Variants in RBMS1 observed in about 807,000 individuals in gnomAD.
RBMS1 encodes the protein RNA binding motif single stranded interacting protein 1.
In RBMS1, 17 loss-of-function variants were observed where a neutral mutation model predicts 62.3. That is an observed-to-expected ratio of 0.27 (90% CI 0.19 to 0.41). The LOEUF (loss-of-function observed/expected upper bound fraction) is 0.41, where lower values mean the gene tolerates loss of function less well. Among genes scored for constraint, RBMS1 ranks in the 10% least tolerant of loss-of-function variants. The pLI, the probability that RBMS1 is intolerant of heterozygous loss-of-function variation, is 1.00. For synonymous variants in RBMS1, 172 were observed against 170.0 expected (o/e 1.01, Z -0.09); for missense variants, 334 against 504.5 (o/e 0.66, Z 3.24).
intron 1 of RBMS1, among the ~76,000 whole-genome samples, chr2:160,471,960 A>G (rs1227562978): frequency 1.3e-5 from 2 of 151,926 alleles, no homozygotes; most frequent in African/African-American, 4.8e-5. Flanking sequence ...ATCCTGCTGT[A>G]AATCTATTTA....
chr2:160,357,895 T>C (rs933852142), intron 2 of RBMS1, among the ~76,000 whole-genome samples: 20 of 152,128 alleles, frequency 1.3e-4, no homozygotes, highest in African/African-American at 3.9e-4. Context: ...ATTTATTTCA[T>C]GGGATTTTCT....
intron 11 of RBMS1, 72 bp from the exon 12 acceptor site, chr2:160,277,455 G>A (rs1687897478): frequency 2.7e-6 from 3 of 1,117,130 alleles, no homozygotes; most frequent in African/African-American, 1.5e-5. Flanking sequence ...GGGGGATTGT[G>A]AGATGGATAT....
intron 1 of RBMS1, among the ~76,000 whole-genome samples, chr2:160,379,391 T>C (rs1432721568): frequency 6.6e-6 from 1 of 152,222 alleles, no homozygotes; most frequent in African/African-American, 2.4e-5. Context: ...GAGTATCTAC[T>C]GCTAACAACA....
At chr2:160,332,303 T>TA (rs1236087432) in intron 2 of RBMS1, among the ~76,000 whole-genome samples, 1 of 152,194 alleles carries the variant, frequency 6.6e-6, no homozygotes, top group Non-Finnish European at 1.5e-5. Flanking sequence ...AGATACCTTT[T>TA]AAAAACCACA....
At chr2:160,482,696 T>C (rs1392619891) in intron 1 of RBMS1, among the ~76,000 whole-genome samples, 1 of 152,064 alleles carries the variant, frequency 6.6e-6, no homozygotes, top group Non-Finnish European at 1.5e-5. Context: ...GGCTTCTTTT[T>C]CCCCAAAAAA....
chr2:160,315,481 T>A (rs541837954), intron 3 of RBMS1, among the ~76,000 whole-genome samples: 70 of 152,330 alleles, frequency 4.6e-4, no homozygotes, highest in African/African-American at 1.7e-3. Flanking sequence ...AATAGTTATG[T>A]TACTCCTGCT....
At chr2:160,304,746 T>A (rs1468370953) in intron 4 of RBMS1, among the ~76,000 whole-genome samples, 1 of 152,228 alleles carries the variant, frequency 6.6e-6, no homozygotes, top group Non-Finnish European at 1.5e-5. Context: ...TACAGCTGCA[T>A]AATGTATGTG....
chr2:160,449,984 T>A (rs1303838921), intron 1 of RBMS1, among the ~76,000 whole-genome samples: 1 of 152,082 alleles, frequency 6.6e-6, no homozygotes, highest in Non-Finnish European at 1.5e-5. Context: ...GCCCTCAGTA[T>A]GACTTACAAA....
At chr2:160,490,801 T>C (rs1410679583) in intron 1 of RBMS1, among the ~76,000 whole-genome samples, 1 of 152,200 alleles carries the variant, frequency 6.6e-6, no homozygotes, top group Non-Finnish European at 1.5e-5. Context: ...AAATTAGCTA[T>C]CACTTTTTAG....
intron 10 of RBMS1, among the ~76,000 whole-genome samples, chr2:160,280,169 T>C (rs1203184045): frequency 1.3e-5 from 2 of 152,100 alleles, no homozygotes; most frequent in African/African-American, 2.4e-5. Context: ...CATTCCAAAA[T>C]AGGGTAGCAT....
intron 1 of RBMS1, among the ~76,000 whole-genome samples, chr2:160,444,792 A>C (rs1683569841): frequency 5.9e-5 from 9 of 152,180 alleles, no homozygotes; most frequent in Admixed American, 5.9e-4. Context: ...AGAGAGGAAG[A>C]GATCCCCCAA....
chr2:160,491,959 T>A (rs1204611256), intron 1 of RBMS1, among the ~76,000 whole-genome samples: 2 of 152,240 alleles, frequency 1.3e-5, no homozygotes, highest in African/African-American at 4.8e-5. Flanking sequence ...CCGGGATTGC[T>A]AGGACATTTC....
At chr2:160,454,801 T>G (rs1363344442) in intron 1 of RBMS1, among the ~76,000 whole-genome samples, 1 of 152,226 alleles carries the variant, frequency 6.6e-6, no homozygotes, top group Non-Finnish European at 1.5e-5. Context: ...CAGGATCAGA[T>G]TAATGTTTTT....
chr2:160,414,697 A>G (rs1478836724), intron 1 of RBMS1, among the ~76,000 whole-genome samples: 1 of 152,128 alleles, frequency 6.6e-6, no homozygotes, highest in Non-Finnish European at 1.5e-5. Context: ...TTTTTGGCAT[A>G]AGGGTTATCT....
intron 1 of RBMS1, among the ~76,000 whole-genome samples, chr2:160,486,257 T>A (rs1173431514): frequency 6.6e-6 from 1 of 152,134 alleles, no homozygotes; most frequent in Non-Finnish European, 1.5e-5. Context: ...AAATTCTGTT[T>A]TCGCAATTTG....
At chr2:160,284,730 G>A in intron 9 of RBMS1, 45 bp downstream of exon 9, 1 of 1,342,624 alleles carries the variant, frequency 7.4e-7, no homozygotes, top group African/African-American at 1.4e-5. Flanking sequence ...AGAGATTCAT[G>A]GTCCGCAAGT....
intron 1 of RBMS1, among the ~76,000 whole-genome samples, chr2:160,381,775 T>C (rs1391621998): frequency 2.0e-5 from 3 of 152,200 alleles, no homozygotes; most frequent in African/African-American, 7.2e-5. Flanking sequence ...CAATAAAACA[T>C]AACCAAAAGG....
Position 160,493,548 on chromosome 2 carries a change from C to CTCCTCCTCCTCT in RBMS1, c.-186_-185insAGAGGAGGAGGA, listed in dbSNP as rs1685962802. 2 of 602,720 alleles carry CTCCTCCTCCTCT rather than the reference C, an allele frequency of 3.3e-6. No homozygotes were observed. The highest frequency in any genetic ancestry group is 4.0e-5 in the African/African-American group (2 of 49,806). 37.3% of individuals were successfully genotyped at this position (602,720 alleles called of 1,614,324 possible). A position where few individuals can be genotyped will look rare whatever the true frequency, so the allele number is the denominator to read the frequency against. On this transcript the variant is annotated 5_prime_UTR_variant, in exon 1 of 14. Coordinates refer to ENST00000348849, the MANE Select transcript of RBMS1 (RefSeq NM_016836.4). ...CCTCCTCCTCCTCCTCCTCTTCCTCCTCCTCCTCCTCCTCCTCCTCCTCTT... is the reference window on the plus strand; with the variant it reads ...CCTCCTCCTCCTCCTCCTCTTCCTCCTCCTCCTCCTCTTCCTCCTCCTCCTCCTCCTCCTCTT...
At chr2:160,311,234 A>ATC (rs781541742) in intron 4 of RBMS1, among the ~76,000 whole-genome samples, 2,325 of 107,338 alleles carry the variant, frequency 0.022, 79 homozygotes, top group African/African-American at 0.061. Flanking sequence ...CTATCTATCT[A>ATC]TATATATATA....
Sources: allele counts gnomAD v4.1 joint callset (sites outside exome capture counted in the v4.1 genomes callset), GRCh38; gene constraint gnomAD v4.1.1; transcripts MANE v1.5; gene names NCBI Gene and HGNC (gene_info 2026-07-23, HGNC 2026-07-21).